Variants in THSD7A observed in about 807,000 individuals in gnomAD.
THSD7A encodes the protein thrombospondin type 1 domain containing 7A.
Under a neutral mutation model 231.3 loss-of-function variants are expected in THSD7A, and 96 were observed. The ratio of observed to expected loss-of-function variants is 0.41; its 90% confidence interval spans 0.35 to 0.49. The LOEUF is 0.49. Ranked by LOEUF, THSD7A falls within the 20% of genes least tolerant of loss-of-function variation. The pLI, the probability that THSD7A is intolerant of heterozygous loss-of-function variation, is 0.05. For missense variants in THSD7A, 2,290 were observed against 2,070.2 expected, an observed-to-expected ratio of 1.11 and a Z score of -2.06; for synonymous variants, 940 against 743.3, an observed-to-expected ratio of 1.26 and a Z score of -4.30.
intron 23 of THSD7A, among the ~76,000 whole-genome samples, chr7:11,394,673 G>C (rs900273665): frequency 1.3e-5 from 2 of 152,198 alleles, no homozygotes; most frequent in Non-Finnish European, 2.9e-5. Flanking sequence ...CCCACAGATT[G>C]TGTTTGCTCC....
At chr7:11,385,260 A>AT (rs1195785431) in intron 23 of THSD7A, 1 of 151,868 alleles carries the variant, frequency 6.6e-6, no homozygotes, top group African/African-American at 2.4e-5. Context: ...TGATAATTTT[A>AT]TTTTTTCATT....
intron 2 of THSD7A, among the ~76,000 whole-genome samples, chr7:11,609,037 A>G (rs922279033): frequency 1.3e-5 from 2 of 152,178 alleles, no homozygotes; most frequent in African/African-American, 4.8e-5. Context: ...TCACAGGTTT[A>G]TGAGGATAAA....
chr7:11,806,365 A>G (rs1784397292), intron 1 of THSD7A, among the ~76,000 whole-genome samples: 1 of 152,202 alleles, frequency 6.6e-6, no homozygotes, highest in South Asian at 2.1e-4. Flanking sequence ...TTCAATGTAC[A>G]AAATAAAGAA....
intron 17 of THSD7A, among the ~76,000 whole-genome samples, chr7:11,416,910 T>C (rs1414687180): frequency 6.6e-6 from 1 of 152,202 alleles, no homozygotes; most frequent in African/African-American, 2.4e-5. Context: ...AGAGTCAGTG[T>C]GTAAAGAGAG....
At chr7:11,722,203 G>C (rs80240268) in intron 1 of THSD7A, among the ~76,000 whole-genome samples, 21,338 of 151,830 alleles carry the variant, frequency 0.14, 1,954 homozygotes, top group South Asian at 0.21. Flanking sequence ...GAATGAAAAC[G>C]GTCCCTCTCT....
intron 1 of THSD7A, among the ~76,000 whole-genome samples, chr7:11,645,379 G>C (rs1256593236): frequency 6.6e-6 from 1 of 151,684 alleles, no homozygotes; most frequent in Non-Finnish European, 1.5e-5. Flanking sequence ...TTGATATGCA[G>C]ACTTTCACTA....
chr7:11,803,052 A>G (rs76520512), intron 1 of THSD7A, among the ~76,000 whole-genome samples: 8,560 of 152,238 alleles, frequency 0.056, 309 homozygotes, highest in South Asian at 0.12. Context: ...AGCCAAGGGC[A>G]TATGTAATAA....
chr7:11,577,745 G>T (rs988190070), intron 4 of THSD7A, among the ~76,000 whole-genome samples: 1 of 151,774 alleles, frequency 6.6e-6, no homozygotes, highest in African/African-American at 2.4e-5. Context: ...GGGATATAAG[G>T]GGCAGATGGA....
In THSD7A at chr7:11,632,611, C is replaced by G. The variant is rs941314980; in HGVS notation, c.1022+3519G>C. On this transcript the variant is annotated intron_variant, in intron 2 of 27. Transcript: ENST00000423059. This position sits in a 1 kb window ranked among gnomAD's most constrained non-coding sequence, Gnocchi z 4.1. Reference sequence around the variant, plus strand: ...TGACTGGTACTTAGAATGAAAAGGTCTTATCATTACAGATAATCTGCTGTC... The same window carrying G: ...TGACTGGTACTTAGAATGAAAAGGTGTTATCATTACAGATAATCTGCTGTC... Among the ~76,000 whole-genome samples the G allele has an allele frequency of 2.0e-5, 3 of 152,086 alleles. No homozygotes were observed. Among genetic ancestry groups the G allele is most frequent in the African/African-American group, 7.2e-5 (3 of 41,424 alleles).
chr7:11,831,947 G>A lies in THSD7A; in HGVS notation c.-1C>T. 4.1e-6 allele frequency: 5 copies of A among 1,231,534 alleles called. No individual in the cohort carries two copies. Among genetic ancestry groups the A allele is most frequent in the Non-Finnish European group, 4.0e-6 (4 of 989,666 alleles). The allele number at this position is 1,231,534 out of a possible 1,614,324, so 76.3% of individuals were successfully genotyped here. The stretch of plus-strand genomic sequence containing the variant: ...CCCAGCGCCTGGCTTGCAGCCCCAT[G>A]CCGCCTGCAGCCACTCCAGGGTCCA... On this transcript the variant is annotated 5_prime_UTR_variant, in exon 1 of 28. Transcript: ENST00000423059. The surrounding 1 kb of genome is among the most constrained non-coding windows in gnomAD (Gnocchi z 5.0).
chr7:11,491,139 A>G (rs1429243515), intron 6 of THSD7A, among the ~76,000 whole-genome samples: 1 of 152,134 alleles, frequency 6.6e-6, no homozygotes, highest in African/African-American at 2.4e-5. Flanking sequence ...CTAGACTCAG[A>G]GTATGATCTT....
chr7:11,797,852 A>G (rs1230455409), intron 1 of THSD7A, among the ~76,000 whole-genome samples: 1 of 152,090 alleles, frequency 6.6e-6, no homozygotes, highest in Non-Finnish European at 1.5e-5. Flanking sequence ...GAAAATAACT[A>G]TTTTAGTCTT....
chr7:11,541,287 G>C (rs948662496), intron 6 of THSD7A, 132 bp downstream of exon 6: 15 of 852,298 alleles, frequency 1.8e-5, no homozygotes, highest in Non-Finnish European at 2.8e-5. Context: ...GGGAGGGAGA[G>C]AGAAGCAGCT....
chr7:11,799,907 A>G (rs1440274173), intron 1 of THSD7A, among the ~76,000 whole-genome samples: 1 of 152,240 alleles, frequency 6.6e-6, no homozygotes, highest in Non-Finnish European at 1.5e-5. Flanking sequence ...GCTCAAGATT[A>G]CACTATTAAT....
At chr7:11,378,793 ATTATAC>A in intron 26 of THSD7A, 2 of 373,362 alleles carry the variant, frequency 5.4e-6, no homozygotes, top group South Asian at 8.3e-5. Flanking sequence ...TTTGAAATTA[ATTATAC>A]TTGTAATTTT....
At chr7:11,550,454 CA>C (rs1789579880) in intron 4 of THSD7A, among the ~76,000 whole-genome samples, 1 of 152,108 alleles carries the variant, frequency 6.6e-6, no homozygotes, top group African/African-American at 2.4e-5. Context: ...AGGGACCTGG[CA>C]GGAGGCGAGT....
intron 1 of THSD7A, among the ~76,000 whole-genome samples, chr7:11,699,996 TAAG>T (rs1024002146): frequency 3.3e-5 from 5 of 151,500 alleles, no homozygotes; most frequent in African/African-American, 1.2e-4. Flanking sequence ...GAATAGTGTG[TAAG>T]AAGAATATCC....
intron 16 of THSD7A, among the ~76,000 whole-genome samples, chr7:11,417,859 A>G (rs1784014428): frequency 6.6e-6 from 1 of 152,224 alleles, no homozygotes; most frequent in South Asian, 2.1e-4. Context: ...GTCTTTGACT[A>G]TAAGAGCCAC....
At chr7:11,550,381 C>T (rs561244685) in intron 4 of THSD7A, among the ~76,000 whole-genome samples, 10 of 151,988 alleles carry the variant, frequency 6.6e-5, no homozygotes, top group Non-Finnish European at 1.2e-4. Context: ...TGAATAGTGA[C>T]ATGGTTTTTT....
Sources: gnomAD v4.1 joint callset for allele counts (sites outside exome capture counted in the v4.1 genomes callset) on GRCh38, gnomAD v4.1.1 for gene constraint, Gnocchi (gnomAD v3.1) non-coding constraint, MANE v1.5 for transcripts, NCBI Gene and HGNC (gene_info 2026-07-23, HGNC 2026-07-21) for gene names.